The following FAM135A variants were observed in gnomAD, a reference collection of about 807,000 sequenced individuals.
FAM135A encodes protein FAM135A.
FAM135A carries 79 observed loss-of-function variants against 146.8 expected under a neutral mutation model. That is an observed-to-expected ratio of 0.54 (90% CI 0.45 to 0.65). The LOEUF is 0.65. Among genes scored for constraint, FAM135A ranks in the 30% least tolerant of loss-of-function variants. FAM135A has a pLI of 0.00. For synonymous variants in FAM135A, 562 were observed against 603.6 expected, an observed-to-expected ratio of 0.93 and a Z score of 1.01; for missense variants, 1,623 against 1,758.2, an observed-to-expected ratio of 0.92 and a Z score of 1.38.
Position 70,554,846 on chromosome 6 carries a change from C to A in FAM135A, c.4229-1904C>A, listed in dbSNP as rs188588580. Among the ~76,000 whole-genome samples the A allele has an allele frequency of 2.6e-5, 4 of 152,108 alleles. No individual in the cohort carries two copies. The East Asian group carries it at 7.7e-4, about 29-fold the overall frequency. On this transcript the variant is annotated intron_variant, in intron 20 of 21. Coordinates refer to ENST00000418814, the MANE Select transcript of FAM135A (RefSeq NM_001162529.3). ...TTCGCCATGTTGGCCAGGCTGGTCT[C>A]GAACTCCTGACCTCAGGTGATCCAC...
At chr6:70,417,532 T>G in intron 2 of FAM135A, 1 of 837,180 alleles carries the variant, frequency 1.2e-6, no homozygotes, top group Non-Finnish European at 1.4e-6. Context: ...GACATTTCTG[T>G]TAAGTGTTAT....
chr6:70,418,157 A>G (rs954767517), intron 2 of FAM135A, among the ~76,000 whole-genome samples: 74 of 152,138 alleles, frequency 4.9e-4, no homozygotes, highest in African/African-American at 1.7e-3. Context: ...CTTTAGTGTA[A>G]TGATTCTACT....
intron 10 of FAM135A, among the ~76,000 whole-genome samples, chr6:70,489,495 C>T (rs61677040): frequency 0.025 from 3,851 of 152,200 alleles, 117 homozygotes; most frequent in African/African-American, 0.07. Context: ...TGGGGTACAG[C>T]GTCCTTGATT....
At chr6:70,533,876 A>G in intron 18 of FAM135A, 22 bp downstream of exon 18, 1 of 1,214,878 alleles carries the variant, frequency 8.2e-7, no homozygotes, top group Non-Finnish European at 1.1e-6. Context: ...AATATTATGC[A>G]ATTTATTTTT....
chr6:70,470,316 A>G (rs1781356042), intron 5 of FAM135A, among the ~76,000 whole-genome samples: 1 of 152,168 alleles, frequency 6.6e-6, no homozygotes, highest in Non-Finnish European at 1.5e-5. Context: ...TCATTAGGTT[A>G]TAGTCATTTA....
chr6:70,436,201 A>C (rs964114076), intron 4 of FAM135A, among the ~76,000 whole-genome samples: 1 of 151,978 alleles, frequency 6.6e-6, no homozygotes, highest in Non-Finnish European at 1.5e-5. Context: ...AAAAAAAAAA[A>C]AGTTCAGGAA....
At chr6:70,419,530 C>T (rs1259522715) in intron 2 of FAM135A, among the ~76,000 whole-genome samples, 1 of 152,166 alleles carries the variant, frequency 6.6e-6, no homozygotes, top group Non-Finnish European at 1.5e-5. Flanking sequence ...ACTGCATTAA[C>T]CTCCTTCTAG....
chr6:70,480,944 C>G lies in FAM135A; in HGVS notation c.586C>G (p.Pro196Ala), dbSNP rs370288366. The change falls in exon 9 of 22, where the codon CCA (proline) becomes GCA (alanine). Residue 196 changes from proline (P) to alanine (A), a missense_variant. Around this residue, in one of 7 missense-constraint regions of FAM135A, gnomAD observed 206 missense variants for 194.7 expected, o/e 1.06. Coordinates refer to ENST00000418814, the MANE Select transcript of FAM135A (RefSeq NM_001162529.3). ...GACAACTTGGTTAAATAGAAATGCA[C>G]CAGCACAAAACAAAGATTCCGTGAT... The part of the protein sequence containing the change: ...VKTTWLNRNA[P>A]AQNKDSVIPT... 1 of 1,612,646 alleles carries G rather than the reference C, an allele frequency of 6.2e-7. No individual in the cohort carries two copies. Among genetic ancestry groups the G allele is most frequent in the Non-Finnish European group, 8.5e-7 (1 of 1,179,272 alleles).
intron 1 of FAM135A, chr6:70,413,906 T>A: frequency 1.0e-6 from 1 of 985,288 alleles, no homozygotes; most frequent in Non-Finnish European, 1.2e-6. Context: ...TGCGGAGCGC[T>A]CTGAGGGAGG....
Position 70,442,238 on chromosome 6 carries a change from G to GTTTTTTTTTT in FAM135A, c.78-10254_78-10253insTTTTTTTTTT, listed in dbSNP as rs147268217. On this transcript the variant is annotated intron_variant, in intron 4 of 21. Coordinates refer to ENST00000418814, the MANE Select transcript of FAM135A (RefSeq NM_001162529.3). The stretch of plus-strand genomic sequence containing the variant: ...CATAAATATTTAAAATTTCTTCATG[G>GTTTTTTTTTT]GTTTTTTTTTTTTTTTTTTGCCGAG... Among the ~76,000 whole-genome samples the GTTTTTTTTTT allele has an allele frequency of 2.9e-5, 4 of 136,410 alleles. 1 individual carries two copies. The highest frequency in any genetic ancestry group is 5.6e-5 in the African/African-American group (2 of 35,532). 89.5% of individuals were successfully genotyped at this position (136,410 alleles called of 152,430 possible).
intron 15 of FAM135A, among the ~76,000 whole-genome samples, chr6:70,527,153 G>C (rs932144949): frequency 6.6e-6 from 1 of 152,042 alleles, no homozygotes; most frequent in Non-Finnish European, 1.5e-5. Context: ...AGTTAAATGA[G>C]TAACAGGGTA....
At chr6:70,431,980 A>C (rs1391803061) in intron 4 of FAM135A, among the ~76,000 whole-genome samples, 1 of 152,070 alleles carries the variant, frequency 6.6e-6, no homozygotes, top group Non-Finnish European at 1.5e-5. Context: ...GTTCTTTCCA[A>C]GTAAAACAGT....
chr6:70,553,073 G>T (rs1407622409), intron 20 of FAM135A, among the ~76,000 whole-genome samples: 1 of 151,766 alleles, frequency 6.6e-6, no homozygotes, highest in Admixed American at 6.6e-5. Flanking sequence ...TTCACATCAG[G>T]CATCAATAGC....
intron 12 of FAM135A, among the ~76,000 whole-genome samples, chr6:70,520,237 A>G (rs1793260373): frequency 6.6e-6 from 1 of 152,204 alleles, no homozygotes; most frequent in African/African-American, 2.4e-5. Context: ...AATTGTATCA[A>G]CTAGTAAGTA....
At chr6:70,430,765 A>G (rs1026242165) in intron 4 of FAM135A, among the ~76,000 whole-genome samples, 1 of 152,112 alleles carries the variant, frequency 6.6e-6, no homozygotes, top group Non-Finnish European at 1.5e-5. Context: ...GCTTTGTTTT[A>G]TTTTCAGGAG....
intron 5 of FAM135A, among the ~76,000 whole-genome samples, chr6:70,472,983 T>A (rs1001234169): frequency 6.6e-6 from 1 of 152,234 alleles, no homozygotes; most frequent in African/African-American, 2.4e-5. Flanking sequence ...AACATTACTC[T>A]TTTTCACTTT....
At chr6:70,507,148 C>G (rs955159905) in intron 12 of FAM135A, among the ~76,000 whole-genome samples, 6 of 152,010 alleles carry the variant, frequency 3.9e-5, no homozygotes, top group Non-Finnish European at 5.9e-5. Context: ...ATTTTAATTG[C>G]TAAATGAATC....
intron 20 of FAM135A, among the ~76,000 whole-genome samples, chr6:70,552,339 A>T (rs537730901): frequency 6.6e-6 from 1 of 152,188 alleles, no homozygotes; most frequent in South Asian, 2.1e-4. Flanking sequence ...CTCAGTTAAG[A>T]AAAATGCAAA....
In FAM135A at chr6:70,428,319, T is replaced by G. The variant is rs372128764; in HGVS notation, c.-24T>G. The G allele has an allele frequency of 2.6e-6, 4 of 1,553,192 alleles. No individual in the cohort carries two copies. The highest frequency in any genetic ancestry group is 3.5e-6 in the Non-Finnish European group (4 of 1,143,534). On this transcript the variant is annotated 5_prime_UTR_variant, in exon 4 of 22. Coordinates refer to ENST00000418814, the MANE Select transcript of FAM135A (RefSeq NM_001162529.3). The stretch of plus-strand genomic sequence containing the variant: ...CTTAACAAAGGTGCTGTTATCAGAA[T>G]AGTCTTCTGGGTATAAATTAAAAAT...
Sources: gnomAD v4.1 joint callset for allele counts (sites outside exome capture counted in the v4.1 genomes callset) on GRCh38, gnomAD v4.1.1 for gene constraint, gnomAD v4.1.1 regional missense constraint, MANE v1.5 for transcripts, NCBI Gene and HGNC (gene_info 2026-07-23, HGNC 2026-07-21) for gene names.